Variants in TSHZ3 observed in about 807,000 individuals in gnomAD.
The protein encoded by TSHZ3 is teashirt homolog 3.
A neutral mutation model predicts 64.5 loss-of-function variants in TSHZ3; 10 were observed. The ratio of observed to expected loss-of-function variants is 0.16; its 90% CI spans 0.10 to 0.26. The LOEUF (loss-of-function observed/expected upper bound fraction) is 0.26, where lower values mean the gene tolerates loss of function less well. TSHZ3 is among the 10% of genes least tolerant of loss of function. TSHZ3 has a pLI of 1.00. For missense variants in TSHZ3, 1,242 were observed against 1,421.7 expected, an observed-to-expected ratio of 0.87 and a Z score of 2.03; for synonymous variants, 608 against 593.1, an observed-to-expected ratio of 1.03 and a Z score of -0.36.
intron 1 of TSHZ3, among the ~76,000 whole-genome samples, chr19:31,323,211 C>T (rs1916828033): frequency 6.6e-6 from 1 of 152,226 alleles, no homozygotes; most frequent in Non-Finnish European, 1.5e-5. Flanking sequence ...CCAGGCCTCC[C>T]TCTTCCAGCC....
intron 1 of TSHZ3, among the ~76,000 whole-genome samples, chr19:31,246,854 C>T (rs1184032341): frequency 6.6e-6 from 1 of 151,740 alleles, no homozygotes; most frequent in Non-Finnish European, 1.5e-5. Flanking sequence ...CTTCTGGTCC[C>T]AAAAAGTAAG....
chr19:31,179,022 G>T (rs2145123630), intron 5 of TSHZ3, among the ~76,000 whole-genome samples: 1 of 93,862 alleles, frequency 1.1e-5, no homozygotes, highest in Admixed American at 9.2e-5. Flanking sequence ...CACTGATGAT[G>T]ATGATGATGA....
chr19:31,273,749 T>C (rs781054775), downstream of TSHZ3, among the ~76,000 whole-genome samples: 4 of 152,212 alleles, frequency 2.6e-5, no homozygotes, highest in Non-Finnish European at 4.4e-5. Flanking sequence ...ATGTGTCCTT[T>C]AGCTCCTCCC....
intron 1 of TSHZ3, among the ~76,000 whole-genome samples, chr19:31,341,899 C>A (rs1259329147): frequency 6.6e-6 from 1 of 152,150 alleles, no homozygotes; most frequent in Non-Finnish European, 1.5e-5. Context: ...TCCTAGGCAA[C>A]CAGCTTGGAG....
intron 6 of TSHZ3, among the ~76,000 whole-genome samples, chr19:31,155,267 T>C (rs1291855738): frequency 6.6e-6 from 1 of 152,228 alleles, no homozygotes; most frequent in African/African-American, 2.4e-5. Flanking sequence ...GAATCCTTTG[T>C]ACCCTGCTCT....
At chr19:31,220,398 G>A (rs893699097) in intron 4 of TSHZ3, among the ~76,000 whole-genome samples, 27 of 152,042 alleles carry the variant, frequency 1.8e-4, no homozygotes, top group African/African-American at 6.5e-4. Context: ...AGTGAAGGGC[G>A]ACAGGTTGTA....
intron 5 of TSHZ3, among the ~76,000 whole-genome samples, chr19:31,171,526 T>A (rs1198477183): frequency 6.6e-6 from 1 of 151,980 alleles, no homozygotes; most frequent in African/African-American, 2.4e-5. Flanking sequence ...GAGAATCAGT[T>A]TCCTGAGAAA....
intron 4 of TSHZ3, among the ~76,000 whole-genome samples, chr19:31,207,058 TA>T (rs1975189154): frequency 6.6e-6 from 1 of 152,158 alleles, no homozygotes; most frequent in Admixed American, 6.5e-5. Context: ...AGAGTGGAAA[TA>T]AAAGTCAAAT....
At chr19:31,314,287 G>C (rs1022454805) in intron 1 of TSHZ3, among the ~76,000 whole-genome samples, 2 of 152,230 alleles carry the variant, frequency 1.3e-5, no homozygotes, top group African/African-American at 4.8e-5. Context: ...CTACATGCAG[G>C]CAAGGGTGTT....
intron 1 of TSHZ3, among the ~76,000 whole-genome samples, chr19:31,266,592 CA>C (rs1398285735): frequency 6.6e-6 from 1 of 152,146 alleles, no homozygotes; most frequent in Non-Finnish European, 1.5e-5. Context: ...TAACCCTAAA[CA>C]CACGACTTGA....
At chr19:31,344,432 C>T (rs955071257) in intron 1 of TSHZ3, among the ~76,000 whole-genome samples, 1 of 152,234 alleles carries the variant, frequency 6.6e-6, no homozygotes, top group Non-Finnish European at 1.5e-5. Context: ...GCTATTTTTA[C>T]CCTCTGCCCA....
At chr19:31,256,168 T>G (rs1000109751) in intron 1 of TSHZ3, among the ~76,000 whole-genome samples, 2 of 152,164 alleles carry the variant, frequency 1.3e-5, no homozygotes, top group African/African-American at 4.8e-5. Context: ...CTCATAGGAC[T>G]GCTGCAGGAT....
rs1323460536 is a variant in TSHZ3 at position 31,333,150 on chromosome 19, A to AAATAAATC, written c.40+16029_40+16030insGATTTATT. On this transcript the variant is annotated intron_variant, in intron 1 of 1. Coordinates refer to ENST00000240587, the MANE Select transcript of TSHZ3 (RefSeq NM_020856.4). ...TAAATAAATAAATAAATAAATAAAT[A>AAATAAATC]AATCCAGGGGTGAAGGCCACACTCA... Among the ~76,000 whole-genome samples, 204 of 138,016 alleles carry AAATAAATC rather than the reference A, an allele frequency of 1.5e-3. 1 individual carries two copies. The highest frequency in any genetic ancestry group is 4.8e-3 in the Admixed American group (65 of 13,552). 90.5% of individuals were successfully genotyped at this position (138,016 alleles called of 152,430 possible).
At chr19:31,219,351 C>T (rs1466688371) in intron 4 of TSHZ3, among the ~76,000 whole-genome samples, 1 of 152,134 alleles carries the variant, frequency 6.6e-6, no homozygotes, top group Non-Finnish European at 1.5e-5. Flanking sequence ...CCAAAGGGCT[C>T]AACACAGCAG....
exon 3 of TSHZ3, among the ~76,000 whole-genome samples, chr19:31,242,568 T>A (rs538830638): frequency 1.3e-5 from 2 of 152,098 alleles, no homozygotes; most frequent in African/African-American, 4.8e-5. Context: ...CAGATGGGTG[T>A]CTCAGGTCTA....
Position 31,159,900 on chromosome 19 carries a change from C to G in TSHZ3, n.810-3483G>C, listed in dbSNP as rs145853942. Among the ~76,000 whole-genome samples the G allele has an allele frequency of 1.2e-3, 190 of 152,200 alleles. 3 individuals are homozygous for G. The highest frequency in any genetic ancestry group is 4.5e-3 in the African/African-American group (186 of 41,514). Reference sequence around the variant, plus strand: ...AGAGATGGGGTCTCACTATGTTGCCCAGGCTGGTCTCAAACTCCTGACCTC... The same window carrying G: ...AGAGATGGGGTCTCACTATGTTGCCGAGGCTGGTCTCAAACTCCTGACCTC... On this transcript the variant is annotated intron_variant and non_coding_transcript_variant, in intron 5 of 6. Coordinates refer to the TSHZ3 transcript ENST00000651361.
intron 5 of TSHZ3, among the ~76,000 whole-genome samples, chr19:31,199,400 CAAAAAAAAA>C (rs61428496): frequency 4.1e-5 from 4 of 98,592 alleles, no homozygotes; most frequent in Non-Finnish European, 4.0e-5. Flanking sequence ...GAGACTCCGC[CAAAAAAAAA>C]AAAAAAAAAA....
intron 1 of TSHZ3, among the ~76,000 whole-genome samples, chr19:31,263,699 C>A (rs185581945): frequency 9.8e-4 from 149 of 152,304 alleles, no homozygotes; most frequent in East Asian, 4.1e-3. Flanking sequence ...GGGTCCCCCC[C>A]ACTCCTCACA....
chr19:31,269,316 C>T (rs1161640705), intron 1 of TSHZ3, among the ~76,000 whole-genome samples: 1 of 152,186 alleles, frequency 6.6e-6, no homozygotes, highest in African/African-American at 2.4e-5. Flanking sequence ...ATGAGGCTTT[C>T]AGGAGCCGGG....
Sources: gnomAD v4.1 joint callset for allele counts (sites outside exome capture counted in the v4.1 genomes callset) on GRCh38, gnomAD v4.1.1 for gene constraint, MANE v1.5 for transcripts, NCBI Gene and HGNC (gene_info 2026-07-23, HGNC 2026-07-21) for gene names.